The following RAF1 variants were observed in gnomAD, a reference collection of about 807,000 sequenced individuals.
RAF1 encodes the protein RAF proto-oncogene serine/threonine-protein kinase.
In RAF1, 27 loss-of-function variants were observed where a neutral mutation model predicts 81.1. The observed-to-expected ratio is 0.33, with a 90% CI of 0.25 to 0.46. RAF1 has a LOEUF of 0.46. Among genes scored for constraint, RAF1 ranks in the 20% least tolerant of loss-of-function variants. The pLI, the probability that RAF1 is intolerant of heterozygous loss-of-function variation, is 1.00. For missense variants in RAF1, 598 were observed against 826.0 expected (o/e 0.72, Z 3.38); for synonymous variants, 298 against 294.0 (o/e 1.01, Z -0.14).
chr3:12,584,804 C>A, intron 17 of RAF1, 43 bp downstream of exon 16: 1 of 1,613,966 alleles, frequency 6.2e-7, no homozygotes, highest in Non-Finnish European at 8.5e-7. Flanking sequence ...TCTTTACGAA[C>A]CAACCCATGC....
chr3:12,586,823 G>A (rs2058347591), intron 14 of RAF1: 1 of 152,108 alleles, frequency 6.6e-6, no homozygotes, highest in Admixed American at 6.5e-5. Flanking sequence ...ATGTACCTTT[G>A]AGAAAGACCA....
Position 12,608,699 on chromosome 3 carries a change from C to A in RAF1, c.581+67G>T, listed in dbSNP as rs1339890352. 2.6e-6 allele frequency: 4 copies of A among 1,546,136 alleles called. No homozygotes were observed. The African/African-American group carries it at 4.1e-5, about 16-fold the overall frequency. On this transcript the variant is annotated intron_variant, in intron 5 of 17. Coordinates refer to ENST00000442415, the MANE Select transcript of RAF1 (RefSeq NM_001354689.3). The stretch of plus-strand genomic sequence containing the variant: ...CAGACCTGTCAGTCAAAATCTACAA[C>A]AAATACCCTTTAAAGTATGTATACT...
chr3:12,610,518 C>G (rs1269059450), intron 3 of RAF1, among the ~76,000 whole-genome samples: 3 of 152,194 alleles, frequency 2.0e-5, no homozygotes, highest in African/African-American at 7.2e-5. Context: ...CTCCCTGTCT[C>G]AGAATCTCTC....
intron 1 of RAF1, among the ~76,000 whole-genome samples, chr3:12,646,555 CTT>C (rs35503570): frequency 1.2e-4 from 17 of 142,290 alleles, no homozygotes; most frequent in Admixed American, 1.4e-4. Context: ...TTGTATTTGT[CTT>C]TTTTTTTTTT....
chr3:12,642,721 A>ACAG (rs1559478289), intron 1 of RAF1, among the ~76,000 whole-genome samples: 3 of 84,122 alleles, frequency 3.6e-5, no homozygotes, highest in African/African-American at 1.3e-4. Context: ...CACACACACA[A>ACAG]AATAGCTGCG....
chr3:12,607,762 C>A (rs1280283887), intron 5 of RAF1, among the ~76,000 whole-genome samples: 2 of 151,568 alleles, frequency 1.3e-5, no homozygotes, highest in African/African-American at 2.4e-5. Context: ...ACCATCCTGG[C>A]CAAGATGGTG....
At chr3:12,635,658 AAAG>A (rs1162730031) in intron 1 of RAF1, among the ~76,000 whole-genome samples, 2 of 131,926 alleles carry the variant, frequency 1.5e-5, no homozygotes, top group African/African-American at 5.2e-5. Flanking sequence ...AAAAAAAAAA[AAAG>A]AGAGAGAGAG....
chr3:12,608,688 A>G, intron 5 of RAF1, 78 bp downstream of exon 5: 1 of 1,508,508 alleles, frequency 6.6e-7, no homozygotes. Flanking sequence ...CCTGTCAGTC[A>G]AAATCTACAA....
chr3:12,647,164 C>T (rs992787221), intron 1 of RAF1, among the ~76,000 whole-genome samples: 9 of 151,856 alleles, frequency 5.9e-5, no homozygotes, highest in South Asian at 2.1e-4. Context: ...GGTGTGGTGG[C>T]GGGCACCTGC....
At chr3:12,608,514 ATCACAG>A (rs2059110937) in intron 5 of RAF1, 3 of 532,448 alleles carry the variant, frequency 5.6e-6, no homozygotes, top group Non-Finnish European at 1.0e-5. Context: ...TCCTTACTGA[ATCACAG>A]TCACAGTATG....
chr3:12,641,044 T>G (rs967386200), intron 1 of RAF1, among the ~76,000 whole-genome samples: 2 of 151,992 alleles, frequency 1.3e-5, no homozygotes, highest in African/African-American at 4.8e-5. Flanking sequence ...TAAAAAAGGA[T>G]GAGTTCGTGT....
intron 1 of RAF1, among the ~76,000 whole-genome samples, chr3:12,644,817 C>T (rs758852726): frequency 2.6e-5 from 4 of 151,900 alleles, no homozygotes; most frequent in Admixed American, 6.6e-5. Flanking sequence ...AATATTAAGG[C>T]GGCCAGGCGT....
intron 1 of RAF1, among the ~76,000 whole-genome samples, chr3:12,660,633 A>G (rs1416716794): frequency 6.6e-6 from 1 of 152,104 alleles, no homozygotes; most frequent in Non-Finnish European, 1.5e-5. Context: ...ACAACTACTG[A>G]CAAGACTTTA....
At chr3:12,650,874 C>G (rs1243957332) in intron 1 of RAF1, among the ~76,000 whole-genome samples, 1 of 152,154 alleles carries the variant, frequency 6.6e-6, no homozygotes, top group East Asian at 1.9e-4. Flanking sequence ...AAGGTCACTT[C>G]TAGCTTGAGT....
Position 12,585,707 on chromosome 3 carries a change from G to GTT in RAF1, c.1568_1569dup (p.Gln524AsnfsTer14). ...ATCCAGAGGACAGAGCCAGTAGGTT[G>GTT]TTCAACCTGCTGAGAACCACTCCAG... On this transcript the variant is annotated frameshift_variant, in exon 15 of 18. Coordinates refer to ENST00000442415, the MANE Select transcript of RAF1 (RefSeq NM_001354689.3). LOFTEE classifies it high-confidence loss of function. 1 of 1,614,094 alleles carries GTT rather than the reference G, an allele frequency of 6.2e-7. No individual in the cohort carries two copies. Among genetic ancestry groups the GTT allele is most frequent in the Non-Finnish European group, 8.5e-7 (1 of 1,179,902 alleles).
chr3:12,608,440 G>A (rs2059108788), intron 5 of RAF1: 1 of 341,868 alleles, frequency 2.9e-6, no homozygotes, highest in Non-Finnish European at 5.6e-6. Flanking sequence ...AGCAACCCCA[G>A]TAGATAATAC....
chr3:12,644,264 G>C lies in RAF1; in HGVS notation c.-27+19549C>G, dbSNP rs142162590. On this transcript the variant is annotated intron_variant, in intron 1 of 17. Coordinates refer to ENST00000442415, the MANE Select transcript of RAF1 (RefSeq NM_001354689.3). ...AGTGATTTGAATCCTAATATTTTAA[G>C]GTACATCTGTCACATTAAAGCTAAA... is the stretch of plus-strand genomic sequence containing the variant. 1.7e-3 allele frequency among the ~76,000 whole-genome samples: 257 copies of C among 152,166 alleles called. 1 individual carries two copies. The highest frequency in any genetic ancestry group is 6.0e-3 in the African/African-American group (248 of 41,528).
chr3:12,629,338 T>C (rs1019711345), intron 1 of RAF1, among the ~76,000 whole-genome samples: 4 of 152,128 alleles, frequency 2.6e-5, no homozygotes, highest in Non-Finnish European at 5.9e-5. Context: ...TCTATTTTGG[T>C]ACTCGCTAAA....
intron 1 of RAF1, among the ~76,000 whole-genome samples, chr3:12,662,859 G>A (rs1439120609): frequency 6.6e-6 from 1 of 151,906 alleles, no homozygotes; most frequent in East Asian, 1.9e-4. Context: ...TTGTTTTCAC[G>A]CCTTAGGAGC....
Sources: allele counts gnomAD v4.1 joint callset (sites outside exome capture counted in the v4.1 genomes callset), GRCh38; gene constraint gnomAD v4.1.1; transcripts MANE v1.5; gene names NCBI Gene and HGNC (gene_info 2026-07-23, HGNC 2026-07-21).